PDE4D: variants seen among roughly 807,000 people sequenced by gnomAD.
The protein encoded by PDE4D is 3',5'-cyclic-AMP phosphodiesterase 4D.
PDE4D carries 24 observed loss-of-function variants against 87.4 expected under a neutral mutation model. The ratio of observed to expected loss-of-function variants is 0.27; its 90% CI spans 0.20 to 0.39. The LOEUF (loss-of-function observed/expected upper bound fraction) is 0.39, where lower values mean the gene tolerates loss of function less well. Among genes scored for constraint, PDE4D ranks in the 10% least tolerant of loss-of-function variants. The pLI is 1.00. For missense variants in PDE4D, 714 were observed against 1,041.0 expected, an observed-to-expected ratio of 0.69 and a Z score of 4.32; for synonymous variants, 384 against 383.2, an observed-to-expected ratio of 1.00 and a Z score of -0.02.
intron 1 of PDE4D, among the ~76,000 whole-genome samples, chr5:59,261,398 T>G (rs1761986539): frequency 6.6e-6 from 1 of 151,832 alleles, no homozygotes; most frequent in Non-Finnish European, 1.5e-5. Flanking sequence ...TAAAATGAGT[T>G]TATTTAGAGA....
chr5:59,322,758 T>C (rs188421537), intron 1 of PDE4D, among the ~76,000 whole-genome samples: 2 of 152,204 alleles, frequency 1.3e-5, no homozygotes, highest in African/African-American at 4.8e-5. Context: ...GTATTGAACA[T>C]TTCTACTTGC....
intron 1 of PDE4D, among the ~76,000 whole-genome samples, chr5:59,669,158 C>T (rs564582106): frequency 3.3e-5 from 5 of 152,266 alleles, no homozygotes; most frequent in South Asian, 2.1e-4. Flanking sequence ...TGCAATGGCA[C>T]GATCTTGGCT....
chr5:59,568,233 A>T (rs186022286), intron 1 of PDE4D, among the ~76,000 whole-genome samples: 52 of 152,274 alleles, frequency 3.4e-4, no homozygotes, highest in Non-Finnish European at 7.2e-4. Context: ...AAGAAATAGT[A>T]CCCAATGGCC....
chr5:59,784,875 A>G (rs1561657807), intron 1 of PDE4D, among the ~76,000 whole-genome samples: 1 of 152,020 alleles, frequency 6.6e-6, no homozygotes. Flanking sequence ...ACAAGATCTG[A>G]TGGCTTTATA....
At chr5:59,038,394 T>G (rs1376642159) in intron 6 of PDE4D, among the ~76,000 whole-genome samples, 1 of 152,186 alleles carries the variant, frequency 6.6e-6, no homozygotes, top group African/African-American at 2.4e-5. Flanking sequence ...ATATAAAGGC[T>G]CAGTTCTTGC....
At chr5:59,905,744 C>T (rs1052792969) in intron 3 of PDE4D, among the ~76,000 whole-genome samples, 1 of 152,002 alleles carries the variant, frequency 6.6e-6, no homozygotes, top group Non-Finnish European at 1.5e-5. Context: ...CGCATATATA[C>T]ATTATTATAT....
intron 5 of PDE4D, among the ~76,000 whole-genome samples, chr5:59,064,807 C>T (rs1287493611): frequency 1.3e-5 from 2 of 151,872 alleles, no homozygotes; most frequent in Admixed American, 6.6e-5. Flanking sequence ...AGCTTTTTTC[C>T]CCACCATTCC....
intron 5 of PDE4D, among the ~76,000 whole-genome samples, chr5:59,169,818 T>G (rs903305423): frequency 6.6e-6 from 1 of 152,140 alleles, no homozygotes; most frequent in Non-Finnish European, 1.5e-5. Context: ...CCTGGGAGTA[T>G]TTGTTAATAA....
At chr5:59,116,802 A>G (rs1773690596) in intron 5 of PDE4D, among the ~76,000 whole-genome samples, 1 of 152,188 alleles carries the variant, frequency 6.6e-6, no homozygotes, top group African/African-American at 2.4e-5. Context: ...CTGCGAAAGG[A>G]CAGAAATGAC....
chr5:59,594,292 T>TTTTATTTA (rs142839056), intron 1 of PDE4D, among the ~76,000 whole-genome samples: 2,651 of 141,004 alleles, frequency 0.019, 38 homozygotes, highest in African/African-American at 0.026. Flanking sequence ...AACTTTTTTA[T>TTTTATTTA]TTTATTTATT....
chr5:59,885,680 T>A (rs1750039250), intron 1 of PDE4D, among the ~76,000 whole-genome samples: 1 of 152,170 alleles, frequency 6.6e-6, no homozygotes, highest in African/African-American at 2.4e-5. Context: ...TCTCTAAATT[T>A]ACAAAGGGGG....
intron 1 of PDE4D, among the ~76,000 whole-genome samples, chr5:60,213,852 T>G (rs2149580270): frequency 6.6e-6 from 1 of 152,326 alleles, no homozygotes; most frequent in Middle Eastern, 3.4e-3. Flanking sequence ...CCAGCGAGAT[T>G]AGGTGTCTGT....
At chr5:59,437,996 A>T (rs1797028248) in intron 1 of PDE4D, among the ~76,000 whole-genome samples, 1 of 152,178 alleles carries the variant, frequency 6.6e-6, no homozygotes, top group African/African-American at 2.4e-5. Context: ...CAGGGGAAAC[A>T]CTAGAAGCTT....
intron 1 of PDE4D, among the ~76,000 whole-genome samples, chr5:59,781,784 C>CAAAAAAAAAAAA (rs58613622): frequency 7.5e-5 from 3 of 39,898 alleles, no homozygotes; most frequent in Non-Finnish European, 1.4e-4. Flanking sequence ...CACTCCATCT[C>CAAAAAAAAAAAA]AAAAAAAAAA....
chr5:60,255,208 T>G (rs1433790896), intron 1 of PDE4D, among the ~76,000 whole-genome samples: 2 of 151,898 alleles, frequency 1.3e-5, no homozygotes, highest in African/African-American at 4.8e-5. Flanking sequence ...AACGTACCAT[T>G]GTCAAAGTGA....
chr5:59,259,231 G>A (rs1255818803), intron 1 of PDE4D, among the ~76,000 whole-genome samples: 1 of 151,618 alleles, frequency 6.6e-6, no homozygotes, highest in African/African-American at 2.4e-5. Context: ...CACTTTCCAT[G>A]TATTATTTCA....
chr5:59,998,847 A>C (rs565946361), intron 2 of PDE4D, among the ~76,000 whole-genome samples: 1 of 152,130 alleles, frequency 6.6e-6, no homozygotes, highest in Non-Finnish European at 1.5e-5. Context: ...AGTATGTGTC[A>C]ATATGTGTTA....
chr5:59,382,221 G>A (rs1179633248), intron 1 of PDE4D, among the ~76,000 whole-genome samples: 1 of 152,108 alleles, frequency 6.6e-6, no homozygotes, highest in Non-Finnish European at 1.5e-5. Flanking sequence ...AATCACATAT[G>A]TAAAATTTCT....
At chr5:59,198,021 A>G (rs1384632324) in intron 2 of PDE4D, among the ~76,000 whole-genome samples, 3 of 152,210 alleles carry the variant, frequency 2.0e-5, no homozygotes, top group Admixed American at 6.5e-5. Context: ...GGGTCTCTAT[A>G]AAGTGACTGA....
Sources: gnomAD v4.1 joint callset for allele counts (sites outside exome capture counted in the v4.1 genomes callset) on GRCh38, gnomAD v4.1.1 for gene constraint, MANE v1.5 for transcripts, NCBI Gene and HGNC (gene_info 2026-07-23, HGNC 2026-07-21) for gene names.